The following PRSS3 variants were observed in gnomAD, a reference collection of about 807,000 sequenced individuals.
PRSS3 encodes the protein serine protease 3.
A neutral mutation model predicts 20.8 loss-of-function variants in PRSS3; 14 were observed. The ratio of observed to expected loss-of-function variants is 0.67; its 90% CI spans 0.44 to 1.05. PRSS3 has a LOEUF of 1.05. Among genes scored for constraint, PRSS3 ranks in the 50% least tolerant of loss-of-function variants. The probability of loss-of-function intolerance (pLI) is 0.00; values close to 1 mark genes in which losing one functional copy is unlikely to be tolerated. For synonymous variants in PRSS3, 91 were observed against 117.6 expected, an observed-to-expected ratio of 0.77 and a Z score of 1.46; for missense variants, 237 against 306.4, an observed-to-expected ratio of 0.77 and a Z score of 1.69.
At chr9:33,773,801 C>T (rs769178059) in intron 1 of PRSS3, among the ~76,000 whole-genome samples, 3 of 151,202 alleles carry the variant, frequency 2.0e-5, no homozygotes, top group Non-Finnish European at 2.9e-5. Flanking sequence ...CCCTTCCATG[C>T]CCAGCTAATT....
chr9:33,779,425 C>T (rs1161287072), intron 1 of PRSS3, among the ~76,000 whole-genome samples: 8 of 152,156 alleles, frequency 5.3e-5, no homozygotes, highest in Non-Finnish European at 1.0e-4. Flanking sequence ...AAATTTACTA[C>T]TAGAATTTAA....
In PRSS3 at chr9:33,787,292, G is replaced by A. The variant is rs1343753868; in HGVS notation, c.-52-7454G>A. On this transcript the variant is annotated intron_variant, in intron 1 of 5. Transcript: ENST00000342836. ...CATTAATGACATCTGGTTGTTCTCC[G>A]TGGATAGGAATTATAAAGCCCTCTA... Among the ~76,000 whole-genome samples the A allele has an allele frequency of 3.3e-5, 5 of 152,212 alleles. No individual in the cohort carries two copies. In the East Asian group the frequency reaches 5.8e-4, roughly 18 times the overall value.
chr9:33,760,756 A>AAAG (rs1394273471), intron 1 of PRSS3, among the ~76,000 whole-genome samples: 2 of 151,842 alleles, frequency 1.3e-5, no homozygotes, highest in African/African-American at 2.4e-5. Context: ...AAAAAAAAAA[A>AAAG]AAAAAAAAAA....
chr9:33,770,787 C>T (rs1823651758), intron 1 of PRSS3, among the ~76,000 whole-genome samples: 1 of 152,026 alleles, frequency 6.6e-6, no homozygotes, highest in African/African-American at 2.4e-5. Context: ...TTTAATCTGC[C>T]CAGTGTGTGG....
chr9:33,760,219 AC>A (rs1823131499), intron 1 of PRSS3, among the ~76,000 whole-genome samples: 1 of 148,166 alleles, frequency 6.7e-6, no homozygotes, highest in Non-Finnish European at 1.5e-5. Context: ...AACTAAGCCC[AC>A]CTTTGAAGTC....
chr9:33,785,990 G>A (rs1396800655), intron 1 of PRSS3: 2 of 214,290 alleles, frequency 9.3e-6, no homozygotes, highest in East Asian at 1.1e-4. Context: ...ATGGGAGAAC[G>A]GTGGTAAGTG....
chr9:33,766,311 C>T (rs1255481448), intron 1 of PRSS3, among the ~76,000 whole-genome samples: 4 of 146,584 alleles, frequency 2.7e-5, no homozygotes, highest in African/African-American at 7.6e-5. Context: ...CGGTGGCTCA[C>T]GCCTGTAATC....
chr9:33,766,483 G>GA (rs1823428871), intron 1 of PRSS3, among the ~76,000 whole-genome samples: 1 of 152,138 alleles, frequency 6.6e-6, no homozygotes, highest in Admixed American at 6.6e-5. Context: ...TGAGGCAGGA[G>GA]AATGGCGTGA....
intron 1 of PRSS3, among the ~76,000 whole-genome samples, chr9:33,764,081 G>A (rs1823320532): frequency 6.6e-6 from 1 of 152,156 alleles, no homozygotes; most frequent in Non-Finnish European, 1.5e-5. Context: ...GTAAAGAGTT[G>A]ATGAAATCTA....
At chr9:33,768,749 G>A (rs1302762703) in intron 1 of PRSS3, among the ~76,000 whole-genome samples, 5 of 151,724 alleles carry the variant, frequency 3.3e-5, no homozygotes, top group African/African-American at 4.8e-5. Context: ...CCAGCTACTC[G>A]GGGAGCTGAG....
intron 1 of PRSS3, among the ~76,000 whole-genome samples, chr9:33,756,400 A>C (rs1822952134): frequency 6.6e-6 from 1 of 152,132 alleles, no homozygotes; most frequent in Non-Finnish European, 1.5e-5. Context: ...AGGGAGATAC[A>C]GGGAGGTATC....
chr9:33,776,542 A>C (rs553982879), intron 1 of PRSS3, among the ~76,000 whole-genome samples: 4 of 152,356 alleles, frequency 2.6e-5, no homozygotes, highest in African/African-American at 9.6e-5. Flanking sequence ...ACATAGAGCA[A>C]TGGAACAGAA....
At chr9:33,752,794 C>A (rs1049262967) in intron 1 of PRSS3, among the ~76,000 whole-genome samples, 9 of 152,192 alleles carry the variant, frequency 5.9e-5, no homozygotes, top group Admixed American at 2.0e-4. Flanking sequence ...AACTACACCG[C>A]TGGAGGAAAA....
chr9:33,786,648 A>T, intron 1 of PRSS3: 1 of 766,446 alleles, frequency 1.3e-6, no homozygotes. Context: ...TGGTACTGTC[A>T]GCAACCTGGA....
At position 33,750,856 on chromosome 9, in the gene PRSS3, C is replaced by G; in HGVS notation, c.-53+129C>G. The G allele has an allele frequency of 1.5e-6, 2 of 1,370,102 alleles. No homozygotes were observed. Among genetic ancestry groups the G allele is most frequent in the Admixed American group, 3.5e-5 (1 of 28,342 alleles). 84.9% of individuals were successfully genotyped at this position (1,370,102 alleles called of 1,614,324 possible). On this transcript the variant is annotated intron_variant, in intron 1 of 5. Transcript: ENST00000342836. The surrounding 1 kb of genome is among the most constrained non-coding windows in gnomAD (Gnocchi z 4.8). ...CGCATGGGACCTGCGGGGGAGGGTA[C>G]GCGGACAGGGAGGGGATACCGACTG...
intron 1 of PRSS3, among the ~76,000 whole-genome samples, chr9:33,754,617 G>A (rs1488652527): frequency 6.6e-6 from 1 of 151,766 alleles, no homozygotes; most frequent in Non-Finnish European, 1.5e-5. Flanking sequence ...ATCACCTGAG[G>A]TCAGGAGTTC....
At chr9:33,792,524 GCTGC>G (rs1021185241), upstream of PRSS3, among the ~76,000 whole-genome samples, 3 of 152,214 alleles carry the variant, frequency 2.0e-5, no homozygotes, top group African/African-American at 7.2e-5. Context: ...AACAATATCT[GCTGC>G]CTACCACCTC....
intron 1 of PRSS3, among the ~76,000 whole-genome samples, chr9:33,779,183 C>T (rs1824070125): frequency 6.6e-6 from 1 of 152,208 alleles, no homozygotes; most frequent in East Asian, 1.9e-4. Context: ...AAAACCACAG[C>T]ATCCCCTTAC....
intron 1 of PRSS3, among the ~76,000 whole-genome samples, chr9:33,771,315 C>CTT (rs540273522): frequency 2.8e-5 from 4 of 143,812 alleles, no homozygotes; most frequent in African/African-American, 1.0e-4. Context: ...GTTTCTTTTC[C>CTT]TTTTTTTTTT....
Sources: allele counts gnomAD v4.1 joint callset (sites outside exome capture counted in the v4.1 genomes callset), GRCh38; gene constraint gnomAD v4.1.1; non-coding constraint Gnocchi (gnomAD v3.1); transcripts MANE v1.5; gene names NCBI Gene and HGNC (gene_info 2026-07-23, HGNC 2026-07-21).